Variants in DNAJB1 observed in about 807,000 individuals in gnomAD.
The protein encoded by DNAJB1 is dnaJ homolog subfamily B member 1.
A neutral mutation model predicts 24.0 loss-of-function variants in DNAJB1; 14 were observed. That is an observed-to-expected ratio of 0.58 (90% CI 0.39 to 0.91). The LOEUF is 0.91. Among genes scored for constraint, DNAJB1 ranks in the 40% least tolerant of loss-of-function variants. The pLI, the probability that DNAJB1 is intolerant of heterozygous loss-of-function variation, is 0.00. For missense variants in DNAJB1, 517 were observed against 458.1 expected (o/e 1.13, Z -1.17); for synonymous variants, 262 against 174.4 (o/e 1.50, Z -3.96).
chr19:14,529,636 T>G (rs2072535641), upstream of DNAJB1: 2 of 1,613,208 alleles, frequency 1.2e-6, no homozygotes, highest in Non-Finnish European at 8.5e-7. Context: ...AGGGAGCCTG[T>G]GCTGTGCCGC....
upstream of DNAJB1, chr19:14,529,858 G>T: frequency 9.0e-7 from 1 of 1,113,628 alleles, no homozygotes. Flanking sequence ...TTGCGCCCCG[G>T]GCCACTCGTA....
rs745709212 is a variant in DNAJB1 at position 14,516,874 on chromosome 19, A to G, written c.384T>C (p.Asp128=). 8.1e-6 allele frequency: 13 copies of G among 1,614,024 alleles called. No individual in the cohort carries two copies. The highest frequency in any genetic ancestry group is 3.3e-4 in the Middle Eastern group (2 of 6,076). The change falls in exon 2 of 3, where the codon GAT becomes GAC. Residue 128 remains aspartate, a synonymous_variant. Transcript: ENST00000254322. ...QRNGEEGMDI[D]DPFSGFPMGM... Reference sequence around the variant, plus strand: ...CCATAGGGAAGCCAGAGAATGGGTCATCAATGTCCATGCCTTCCTCCCCGT... The same window carrying G: ...CCATAGGGAAGCCAGAGAATGGGTCGTCAATGTCCATGCCTTCCTCCCCGT...
intron 1 of DNAJB1, among the ~76,000 whole-genome samples, chr19:14,555,434 T>C (rs1182014465): frequency 1.4e-5 from 2 of 147,730 alleles, no homozygotes; most frequent in Non-Finnish European, 3.0e-5. Flanking sequence ...TATTTTTATT[T>C]ATTCTTTTTT....
chr19:14,522,429 G>A (rs150124898), upstream of DNAJB1, among the ~76,000 whole-genome samples: 675 of 146,360 alleles, frequency 4.6e-3, no homozygotes, highest in Non-Finnish European at 7.3e-3. Flanking sequence ...AGGTTGCAGT[G>A]AGCCAAGATC....
upstream of DNAJB1, chr19:14,531,368 A>G (rs1460394202): frequency 6.6e-6 from 1 of 151,680 alleles, no homozygotes; most frequent in Admixed American, 6.6e-5. Context: ...GAATATTACT[A>G]CCTCTGCCTC....
chr19:14,528,493 C>T (rs1278318890), intron 1 of DNAJB1, among the ~76,000 whole-genome samples: 1 of 152,002 alleles, frequency 6.6e-6, no homozygotes, highest in Non-Finnish European at 1.5e-5. Context: ...CCCCCTCGGC[C>T]TCCCAAGGTG....
upstream of DNAJB1, chr19:14,531,596 A>G (rs2072666252): frequency 6.6e-6 from 1 of 151,804 alleles, no homozygotes; most frequent in African/African-American, 2.4e-5. Context: ...CTAATTTTGT[A>G]TTTTTAGTAG....
upstream of DNAJB1, among the ~76,000 whole-genome samples, chr19:14,552,329 C>T (rs556647694): frequency 7.2e-5 from 11 of 151,790 alleles, no homozygotes; most frequent in South Asian, 8.5e-4. Context: ...CCACCGTGCC[C>T]GGCCTGCCTT....
intron 1 of DNAJB1, among the ~76,000 whole-genome samples, chr19:14,535,210 T>A (rs2146556586): frequency 6.6e-6 from 1 of 150,382 alleles, no homozygotes; most frequent in South Asian, 2.1e-4. Context: ...CCCTCTCCAC[T>A]AAAAATATAA....
chr19:14,529,880 G>A, upstream of DNAJB1: 2 of 897,938 alleles, frequency 2.2e-6, no homozygotes, highest in Non-Finnish European at 3.5e-6. Flanking sequence ...ATTCCAATGC[G>A]CATGTGCGCA....
intron 1 of DNAJB1, among the ~76,000 whole-genome samples, chr19:14,546,977 G>A (rs2073330052): frequency 6.6e-6 from 1 of 152,192 alleles, no homozygotes; most frequent in African/African-American, 2.4e-5. Flanking sequence ...TTACAGGCAT[G>A]AGCCACTGCA....
At chr19:14,517,109 T>C in intron 1 of DNAJB1, 63 bp from the exon 2 acceptor site, 1 of 1,519,784 alleles carries the variant, frequency 6.6e-7, no homozygotes, top group South Asian at 1.2e-5. Context: ...GAGCTTCCCT[T>C]ACAGGGGGAA....
At chr19:14,520,444 T>A (rs1235203259), upstream of DNAJB1, among the ~76,000 whole-genome samples, 1 of 151,728 alleles carries the variant, frequency 6.6e-6, no homozygotes, top group Non-Finnish European at 1.5e-5. Context: ...AGCCTCCCCA[T>A]AAAAAAGTTA....
intron 1 of DNAJB1, among the ~76,000 whole-genome samples, chr19:14,558,924 G>A (rs1488840486): frequency 6.6e-6 from 1 of 152,216 alleles, no homozygotes; most frequent in Non-Finnish European, 1.5e-5. Flanking sequence ...TGTACCCTCT[G>A]CAGCCCTGGG....
chr19:14,518,429 G>A (rs1488552179), upstream of DNAJB1: 8 of 1,205,590 alleles, frequency 6.6e-6, no homozygotes, highest in Non-Finnish European at 8.6e-6. Context: ...CTATATACCC[G>A]TCCGGCGGAA....
chr19:14,559,194 C>A (rs867227959), intron 1 of DNAJB1, among the ~76,000 whole-genome samples: 1 of 152,142 alleles, frequency 6.6e-6, no homozygotes, highest in South Asian at 2.1e-4. Context: ...AGGTGAAATT[C>A]ATGTAACATG....
At chr19:14,516,431 G>C in intron 2 of DNAJB1, 35 bp downstream of exon 2, 1 of 1,575,154 alleles carries the variant, frequency 6.3e-7, no homozygotes, top group Non-Finnish European at 8.7e-7. Context: ...AGCAGCCATC[G>C]CCCTCTACAG....
rs539335396 is a variant in DNAJB1 at position 14,539,876 on chromosome 19, CTTTCTTT to C, written c.-214+10325_-214+10331del. Among the ~76,000 whole-genome samples, 820 of 91,072 alleles carry C rather than the reference CTTTCTTT, an allele frequency of 9.0e-3. 8 individuals carry two copies. The highest frequency in any genetic ancestry group is 9.4e-3 in the Non-Finnish European group (414 of 44,016). The allele number at this position is 91,072 out of a possible 152,430, so 59.7% of individuals were successfully genotyped here. A position where few individuals can be genotyped will look rare whatever the true frequency, so the allele number is the denominator to read the frequency against. ...CCCATCTGGGCTTGGGTTGTGTTTT[CTTTCTTT>C]TTTTTTTTTTTTCTGAGACGGAGTC... On this transcript the variant is annotated intron_variant, in intron 1 of 3. Coordinates refer to the DNAJB1 transcript ENST00000676982.
intron 1 of DNAJB1, among the ~76,000 whole-genome samples, chr19:14,558,692 T>G (rs1014238837): frequency 1.3e-5 from 2 of 152,170 alleles, no homozygotes; most frequent in African/African-American, 4.8e-5. Context: ...TGGCCAGTGC[T>G]GGGACCTCGC....
Sources: gnomAD v4.1 joint callset for allele counts (sites outside exome capture counted in the v4.1 genomes callset) on GRCh38, gnomAD v4.1.1 for gene constraint, MANE v1.5 for transcripts, NCBI Gene and HGNC (gene_info 2026-07-23, HGNC 2026-07-21) for gene names.